PHKB: variants seen among roughly 807,000 people sequenced by gnomAD.
PHKB encodes phosphorylase kinase regulatory subunit beta.
Under a neutral mutation model 152.1 loss-of-function variants are expected in PHKB, and 122 were observed. That is an observed-to-expected ratio of 0.80 (90% CI 0.69 to 0.93). The LOEUF (loss-of-function observed/expected upper bound fraction) is 0.93. PHKB is among the 40% of genes least tolerant of loss of function. The probability of loss-of-function intolerance (pLI) is 0.00; values close to 1 mark genes in which losing one functional copy is unlikely to be tolerated. For synonymous variants in PHKB, 436 were observed against 464.9 expected (o/e 0.94, Z 0.80); for missense variants, 1,304 against 1,328.4 (o/e 0.98, Z 0.29).
intron 14 of PHKB, among the ~76,000 whole-genome samples, chr16:47,625,821 T>G (rs544059722): frequency 2.6e-5 from 4 of 152,210 alleles, no homozygotes; most frequent in Non-Finnish European, 5.9e-5. Flanking sequence ...ATCAATTCAT[T>G]AATGGCAAGT....
chr16:47,626,474 A>G (rs1251658009), intron 14 of PHKB, among the ~76,000 whole-genome samples: 8 of 152,242 alleles, frequency 5.3e-5, no homozygotes. Context: ...CTCTCTTCTT[A>G]GGTGGCTTTC....
At chr16:47,503,956 C>A (rs761860495) in intron 4 of PHKB, among the ~76,000 whole-genome samples, 5 of 152,218 alleles carry the variant, frequency 3.3e-5, no homozygotes, top group Non-Finnish European at 7.3e-5. Context: ...CCCTTACTTA[C>A]CTACATCTCT....
At chr16:47,493,145 G>T (rs1970178696) in intron 1 of PHKB, among the ~76,000 whole-genome samples, 2 of 152,154 alleles carry the variant, frequency 1.3e-5, no homozygotes, top group Non-Finnish European at 2.9e-5. Context: ...CTCCCAGTGT[G>T]CAGGCCAGTT....
chr16:47,476,958 A>C (rs556905629), intron 1 of PHKB, among the ~76,000 whole-genome samples: 1 of 152,138 alleles, frequency 6.6e-6, no homozygotes, highest in South Asian at 2.1e-4. Context: ...TGTCTTCCTC[A>C]CATTCTCTGC....
chr16:47,597,995 T>C (rs1213634867), intron 13 of PHKB: 3 of 152,108 alleles, frequency 2.0e-5, no homozygotes, highest in Non-Finnish European at 2.9e-5. Context: ...TTTTCAAATA[T>C]AATATAGTAA....
At chr16:47,663,068 A>G (rs1414256621) in intron 23 of PHKB, among the ~76,000 whole-genome samples, 2 of 152,162 alleles carry the variant, frequency 1.3e-5, no homozygotes, top group Admixed American at 1.3e-4. Context: ...ATTTTATCCA[A>G]TTTGTTAAAA....
At chr16:47,464,282 T>A (rs770697921) in intron 1 of PHKB, 161 of 396,274 alleles carry the variant, frequency 4.1e-4, no homozygotes, top group Non-Finnish European at 5.8e-4. Context: ...AATGTGCACA[T>A]AGCATATTTC....
chr16:47,528,732 T>C (rs1970809674), intron 6 of PHKB, among the ~76,000 whole-genome samples: 1 of 148,232 alleles, frequency 6.7e-6, no homozygotes, highest in Admixed American at 6.9e-5. Flanking sequence ...GGAGTCTCAC[T>C]GTCTCCCAGG....
rs993467096 is a variant in PHKB, at chr16:47,547,742, C to G, written c.710+194C>G. ...CATCCTCAGTACCCATAAACAGATG[C>G]AAGAAAGAAGTAGGTGTCTTTCCCA... On this transcript the variant is annotated intron_variant, in intron 7 of 30. Coordinates refer to ENST00000323584, the MANE Select transcript of PHKB (RefSeq NM_000293.3). 1.6e-4 allele frequency: 85 copies of G among 543,624 alleles called. 1 individual carries two copies. Among genetic ancestry groups the G allele is most frequent in the Admixed American group, 1.6e-4 (5 of 32,198 alleles). 33.7% of individuals were successfully genotyped at this position (543,624 alleles called of 1,614,324 possible).
At chr16:47,603,535 G>A (rs982072102) in intron 13 of PHKB, among the ~76,000 whole-genome samples, 4 of 144,428 alleles carry the variant, frequency 2.8e-5, no homozygotes, top group Non-Finnish European at 4.5e-5. Context: ...ATGGAGTCTC[G>A]CTGTGTCGCC....
At chr16:47,561,992 C>A (rs1971483558) in intron 7 of PHKB, 1 of 152,120 alleles carries the variant, frequency 6.6e-6, no homozygotes, top group Admixed American at 6.6e-5. Context: ...GTCATTCTCA[C>A]AAACATCTGT....
At chr16:47,572,680 G>A (rs1230086383) in intron 7 of PHKB, among the ~76,000 whole-genome samples, 7 of 152,204 alleles carry the variant, frequency 4.6e-5, no homozygotes, top group Admixed American at 4.6e-4. Flanking sequence ...CAGTAGGGGA[G>A]TGGCATAGAC....
At chr16:47,610,159 A>ATT (rs371224839) in intron 13 of PHKB, among the ~76,000 whole-genome samples, 4,764 of 99,408 alleles carry the variant, frequency 0.048, 227 homozygotes, top group East Asian at 0.12. Context: ...TGCCCAGCTA[A>ATT]TTTTTTTTTT....
At chr16:47,636,531 C>G (rs1972923070) in intron 14 of PHKB, among the ~76,000 whole-genome samples, 1 of 152,314 alleles carries the variant, frequency 6.6e-6, no homozygotes, top group East Asian at 1.9e-4. Context: ...TCAGAAGTGC[C>G]TGCTCCCATT....
At chr16:47,570,704 A>G (rs1314142899) in intron 7 of PHKB, among the ~76,000 whole-genome samples, 1 of 148,246 alleles carries the variant, frequency 6.7e-6, no homozygotes, top group African/African-American at 2.5e-5. Context: ...ATTTCTTTAT[A>G]TTGGTTTTCA....
chr16:47,535,090 G>A (rs759109319), intron 6 of PHKB, among the ~76,000 whole-genome samples: 11 of 152,248 alleles, frequency 7.2e-5, no homozygotes, highest in South Asian at 2.1e-4. Context: ...GGTAGGGCTC[G>A]GTTACACTAA....
intron 13 of PHKB, among the ~76,000 whole-genome samples, chr16:47,596,747 A>G (rs1255167919): frequency 6.6e-6 from 1 of 152,042 alleles, no homozygotes; most frequent in Non-Finnish European, 1.5e-5. Flanking sequence ...AGGTATGGGT[A>G]CCATTTGTGA....
At chr16:47,626,435 C>T (rs1972711634) in intron 14 of PHKB, among the ~76,000 whole-genome samples, 1 of 152,224 alleles carries the variant, frequency 6.6e-6, no homozygotes, top group South Asian at 2.1e-4. Flanking sequence ...GAAAGTAGAG[C>T]AGGTTTTCAT....
At chr16:47,542,017 T>A (rs1202579964) in intron 6 of PHKB, among the ~76,000 whole-genome samples, 1 of 152,216 alleles carries the variant, frequency 6.6e-6, no homozygotes, top group African/African-American at 2.4e-5. Context: ...ACCATTTGTC[T>A]ATTTTGGCTT....
Sources: gnomAD v4.1 joint callset for allele counts (sites outside exome capture counted in the v4.1 genomes callset) on GRCh38, gnomAD v4.1.1 for gene constraint, MANE v1.5 for transcripts, NCBI Gene and HGNC (gene_info 2026-07-23, HGNC 2026-07-21) for gene names.